SV2B: variants seen among roughly 807,000 people sequenced by gnomAD.
SV2B encodes the protein synaptic vesicle glycoprotein 2B, also known as solute carrier family 22 member B2.
In SV2B, 41 loss-of-function variants were observed where a neutral mutation model predicts 73.9. That is an observed-to-expected ratio of 0.56 (90% CI 0.43 to 0.72). SV2B has a LOEUF of 0.72. Ranked by LOEUF, SV2B falls within the 30% of genes least tolerant of loss-of-function variation. The pLI, the probability that SV2B is intolerant of heterozygous loss-of-function variation, is 0.00. For missense variants in SV2B, 764 were observed against 857.8 expected (o/e 0.89, Z 1.37); for synonymous variants, 314 against 314.2 (o/e 1.00, Z 0.01).
chr15:91,238,580 A>T (rs182489413), intron 2 of SV2B, among the ~76,000 whole-genome samples: 5 of 152,372 alleles, frequency 3.3e-5, no homozygotes, highest in Admixed American at 3.3e-4. Context: ...TGAAGTTGGC[A>T]TTGGCCTCTC....
At chr15:91,125,420 C>T (rs147383113) in intron 1 of SV2B, among the ~76,000 whole-genome samples, 39 of 152,240 alleles carry the variant, frequency 2.6e-4, no homozygotes, top group East Asian at 1.7e-3. Flanking sequence ...GTGATCCCAG[C>T]GGCCTTTGTA....
rs2042353290 is a variant in SV2B, at chr15:91,122,037, G to A, written c.-392+21674G>A. On this transcript the variant is annotated intron_variant, in intron 1 of 12. Transcript: ENST00000394232. This position sits in a 1 kb window ranked among gnomAD's most constrained non-coding sequence, Gnocchi z 4.3. Reference sequence around the variant, plus strand: ...GATTCGCCTGCCTTGGCCTCCCAAAGTGCTGGGATTACAGGCGTGAGCCAC... The same window carrying A: ...GATTCGCCTGCCTTGGCCTCCCAAAATGCTGGGATTACAGGCGTGAGCCAC... 6.6e-6 allele frequency among the ~76,000 whole-genome samples: 1 copy of A among 152,168 alleles called. No homozygotes were observed. The highest frequency in any genetic ancestry group is 1.5e-5 in the Non-Finnish European group (1 of 68,038).
chr15:91,276,826 A>ATTATTATTATTC (rs2048508574), intron 9 of SV2B, among the ~76,000 whole-genome samples: 2 of 148,728 alleles, frequency 1.3e-5, no homozygotes, highest in East Asian at 3.9e-4. Context: ...TATTATTATT[A>ATTATTATTATTC]TTATTATTAT....
At position 91,265,924 on chromosome 15, in the gene SV2B, C is replaced by T. The variant is rs139415073; in HGVS notation, c.1009-658C>T. Among the ~76,000 whole-genome samples, 707 of 152,294 alleles carry T rather than the reference C, an allele frequency of 4.6e-3. 4 individuals are homozygous for T. Among genetic ancestry groups the T allele is most frequent in the African/African-American group, 0.015 (632 of 41,576 alleles). On this transcript the variant is annotated intron_variant, in intron 6 of 12. Transcript: ENST00000394232. The surrounding 1 kb of genome is among the most constrained non-coding windows in gnomAD (Gnocchi z 4.2). The stretch of plus-strand genomic sequence containing the variant: ...GTGGGAGGCCAAGGCAGGTGGATCA[C>T]GAGGCCAGGAGATGGAGACCATCCT...
chr15:91,167,895 T>A (rs2043971231), intron 1 of SV2B, among the ~76,000 whole-genome samples: 1 of 152,172 alleles, frequency 6.6e-6, no homozygotes, highest in African/African-American at 2.4e-5. Context: ...ACTCAGTAAG[T>A]AAGGTTCAGA....
chr15:91,265,892 C>T lies in SV2B; in HGVS notation c.1009-690C>T, dbSNP rs1240245531. On this transcript the variant is annotated intron_variant, in intron 6 of 12. Coordinates refer to ENST00000394232, the MANE Select transcript of SV2B (RefSeq NM_001323032.3). This position sits in a 1 kb window ranked among gnomAD's most constrained non-coding sequence, Gnocchi z 4.2. ...GCGCAGTGGCTCACGCCTATAATCC[C>T]AGCACTGTGGGAGGCCAAGGCAGGT... 6.6e-6 allele frequency among the ~76,000 whole-genome samples: 1 copy of T among 152,224 alleles called. No individual in the cohort carries two copies. The highest frequency in any genetic ancestry group is 6.5e-5 in the Admixed American group (1 of 15,286).
At position 91,128,603 on chromosome 15, in the gene SV2B, A is replaced by C. The variant is rs2151755446; in HGVS notation, c.-392+28240A>C. On this transcript the variant is annotated intron_variant, in intron 1 of 12. Coordinates refer to ENST00000394232, the MANE Select transcript of SV2B (RefSeq NM_001323032.3). The surrounding 1 kb of genome is among the most constrained non-coding windows in gnomAD (Gnocchi z 4.2). ...TTTCCCAGGGCAGATCATAGAAACC[A>C]GAATACTTTTTCCCCAAAGCCAGCC... is the stretch of plus-strand genomic sequence containing the variant. 6.6e-6 allele frequency: 1 copy of C among 152,366 alleles called. No homozygotes were observed. Among genetic ancestry groups the C allele is most frequent in the East Asian group, 1.9e-4 (1 of 5,194 alleles). The allele number at this position is 152,366 out of a possible 1,614,324, so 9.4% of individuals were successfully genotyped here.
intron 2 of SV2B, 21 bp downstream of exon 2, chr15:91,226,735 A>G (rs774492738): frequency 2.5e-6 from 4 of 1,594,796 alleles, no homozygotes; most frequent in Non-Finnish European, 3.4e-6. Context: ...ATTTCCAATG[A>G]TCCCTCCAAT....
chr15:91,206,913 A>G (rs1356615155), intron 1 of SV2B, among the ~76,000 whole-genome samples: 1 of 152,174 alleles, frequency 6.6e-6, no homozygotes, highest in Non-Finnish European at 1.5e-5. Context: ...CAAATAGAAA[A>G]GCAGATTGAT....
chr15:91,222,405 T>G (rs1304695242), intron 1 of SV2B, among the ~76,000 whole-genome samples: 1 of 152,240 alleles, frequency 6.6e-6, no homozygotes, highest in Admixed American at 6.5e-5. Flanking sequence ...TAATCAAGAT[T>G]GTAATTTTTA....
intron 1 of SV2B, among the ~76,000 whole-genome samples, chr15:91,202,244 C>T (rs1200936357): frequency 2.6e-5 from 4 of 152,192 alleles, no homozygotes; most frequent in East Asian, 1.9e-4. Context: ...TTCCTGCCCT[C>T]TCTCCACTAG....
At position 91,108,890 on chromosome 15, in the gene SV2B, C is replaced by A. The variant is rs928124330; in HGVS notation, c.-392+8527C>A. 3.3e-5 allele frequency among the ~76,000 whole-genome samples: 5 copies of A among 152,236 alleles called. No homozygotes were observed. The East Asian group carries it at 9.6e-4, about 29-fold the overall frequency. Reference sequence around the variant, plus strand: ...CCCTGCTTCAGCTCCCACACAGAAGCCTGTGGTCCCGTTAAGTCTTCCTGT... The same window carrying A: ...CCCTGCTTCAGCTCCCACACAGAAGACTGTGGTCCCGTTAAGTCTTCCTGT... On this transcript the variant is annotated intron_variant, in intron 1 of 12. Transcript: ENST00000394232.
chr15:91,228,191 G>A (rs185154486), intron 2 of SV2B, among the ~76,000 whole-genome samples: 79 of 152,256 alleles, frequency 5.2e-4, no homozygotes, highest in African/African-American at 1.7e-3. Flanking sequence ...CATTTGAAAT[G>A]ATTAGAACTG....
rs2046596953 is a variant in SV2B at position 91,232,044 on chromosome 15, T to A, written c.451+5330T>A. Among the ~76,000 whole-genome samples, 1 of 152,214 alleles carries A rather than the reference T, an allele frequency of 6.6e-6. No individual in the cohort carries two copies. On this transcript the variant is annotated intron_variant, in intron 2 of 12. Transcript: ENST00000394232. The surrounding 1 kb of genome is among the most constrained non-coding windows in gnomAD (Gnocchi z 4.7). ...TTTATATGCAAATTCTAGCCGAGCA[T>A]CAGGGCATAATATTTGATTTATGAG...
At position 91,231,396 on chromosome 15, in the gene SV2B, A is replaced by G. The variant is rs147135561; in HGVS notation, c.451+4682A>G. On this transcript the variant is annotated intron_variant, in intron 2 of 12. Coordinates refer to ENST00000394232, the MANE Select transcript of SV2B (RefSeq NM_001323032.3). This position sits in a 1 kb window ranked among gnomAD's most constrained non-coding sequence, Gnocchi z 4.5. ...CTTCTAGAGGAGCAGAATTTTGAGG[A>G]TGAGTTTTCTGAATTGGTTCTGGGG... Among the ~76,000 whole-genome samples the G allele has an allele frequency of 1.3e-5, 2 of 152,202 alleles. No homozygotes were observed. Among genetic ancestry groups the G allele is most frequent in the East Asian group, 3.9e-4 (2 of 5,180 alleles).
rs902372129 is a variant in SV2B at position 91,241,689 on chromosome 15, C to T, written c.452-10130C>T. Reference sequence around the variant, plus strand: ...CTGTGCTGACCCCGTATTCTTGTGACAGTGGAGGAGGTGTGAGGCTCACTG... The same window carrying T: ...CTGTGCTGACCCCGTATTCTTGTGATAGTGGAGGAGGTGTGAGGCTCACTG... On this transcript the variant is annotated intron_variant, in intron 2 of 12. Transcript: ENST00000394232. The surrounding 1 kb of genome is among the most constrained non-coding windows in gnomAD (Gnocchi z 4.8). Among the ~76,000 whole-genome samples the T allele has an allele frequency of 6.6e-6, 1 of 152,164 alleles. No homozygotes were observed. The highest frequency in any genetic ancestry group is 1.5e-5 in the Non-Finnish European group (1 of 68,038).
At chr15:91,134,149 C>T (rs1300580096) in intron 1 of SV2B, among the ~76,000 whole-genome samples, 2 of 151,832 alleles carry the variant, frequency 1.3e-5, no homozygotes, top group Non-Finnish European at 2.9e-5. Context: ...CAGGTGTGCA[C>T]CACCACGCCT....
rs1192033294 is a variant in SV2B at position 91,265,621 on chromosome 15, A to G, written c.1009-961A>G. Among the ~76,000 whole-genome samples, 2 of 152,170 alleles carry G rather than the reference A, an allele frequency of 1.3e-5. No individual in the cohort carries two copies. The highest frequency in any genetic ancestry group is 6.5e-5 in the Admixed American group (1 of 15,288). ...TGGGGGTCATAACATCCATGAAGGT[A>G]CTGAATAGCTTGAAGCCCAGCTGCA... On this transcript the variant is annotated intron_variant, in intron 6 of 12. Coordinates refer to ENST00000394232, the MANE Select transcript of SV2B (RefSeq NM_001323032.3). This position sits in a 1 kb window ranked among gnomAD's most constrained non-coding sequence, Gnocchi z 4.2.
intron 10 of SV2B, among the ~76,000 whole-genome samples, chr15:91,282,924 A>C (rs1315928783): frequency 6.6e-6 from 1 of 152,252 alleles, no homozygotes; most frequent in African/African-American, 2.4e-5. Context: ...GTGTCATTAG[A>C]AACTGGCATA....
Sources: gnomAD v4.1 joint callset for allele counts (sites outside exome capture counted in the v4.1 genomes callset) on GRCh38, gnomAD v4.1.1 for gene constraint, Gnocchi (gnomAD v3.1) non-coding constraint, MANE v1.5 for transcripts, NCBI Gene and HGNC (gene_info 2026-07-23, HGNC 2026-07-21) for gene names.